PHLDB2: variants seen among roughly 807,000 people sequenced by gnomAD.
The protein encoded by PHLDB2 is pleckstrin homology like domain family B member 2, also known as pleckstrin homology-like domain family B member 2.
A neutral mutation model predicts 123.6 loss-of-function variants in PHLDB2; 71 were observed. The observed-to-expected ratio is 0.57, with a 90% confidence interval of 0.47 to 0.70. The LOEUF (loss-of-function observed/expected upper bound fraction) is 0.70. Among genes scored for constraint, PHLDB2 ranks in the 30% least tolerant of loss-of-function variants. The probability of loss-of-function intolerance (pLI) is 0.00; values close to 1 mark genes in which losing one functional copy is unlikely to be tolerated. For synonymous variants in PHLDB2, 547 were observed against 541.6 expected (o/e 1.01, Z -0.14); for missense variants, 1,446 against 1,519.5 (o/e 0.95, Z 0.80).
chr3:111,907,753 A>G (rs1470476794), intron 2 of PHLDB2, among the ~76,000 whole-genome samples: 1 of 151,904 alleles, frequency 6.6e-6, no homozygotes, highest in Non-Finnish European at 1.5e-5. Flanking sequence ...CAACCTTCCA[A>G]AGTTTGGGGA....
At chr3:111,891,364 T>A (rs1021821643) in intron 2 of PHLDB2, among the ~76,000 whole-genome samples, 1 of 152,070 alleles carries the variant, frequency 6.6e-6, no homozygotes, top group Non-Finnish European at 1.5e-5. Flanking sequence ...AGATCAGTGG[T>A]GGCATTGGAT....
rs146540806 is a variant in PHLDB2, at chr3:111,900,572, G to A, written c.1336-12747G>A. On this transcript the variant is annotated intron_variant, in intron 2 of 17. Coordinates refer to ENST00000431670, the MANE Select transcript of PHLDB2 (RefSeq NM_001134438.2). The stretch of plus-strand genomic sequence containing the variant: ...ATTAATTAAGTTTGCTGTCTTATAT[G>A]GGCATGGTTTGTGGTGTCCAAAACT... Among the ~76,000 whole-genome samples, 424 of 152,242 alleles carry A rather than the reference G, an allele frequency of 2.8e-3. 3 individuals are homozygous for A. The highest frequency in any genetic ancestry group is 0.01 in the African/African-American group (418 of 41,538).
Position 111,868,418 on chromosome 3 carries a change from G to A in PHLDB2, c.-15+8842G>A, listed in dbSNP as rs189636224. Among the ~76,000 whole-genome samples, 641 of 152,034 alleles carry A rather than the reference G, an allele frequency of 4.2e-3. 4 individuals are homozygous for A. The highest frequency in any genetic ancestry group is 6.8e-3 in the Non-Finnish European group (462 of 67,988). ...GTATGCGCCCTCAGTCTCTTTAATCGAGAATACTTCTCTCTTCCTCTTGTT... is the reference window on the plus strand; with the variant it reads ...GTATGCGCCCTCAGTCTCTTTAATCAAGAATACTTCTCTCTTCCTCTTGTT... On this transcript the variant is annotated intron_variant, in intron 1 of 17. Coordinates refer to ENST00000431670, the MANE Select transcript of PHLDB2 (RefSeq NM_001134438.2).
At chr3:111,878,165 T>C (rs771352684) in intron 1 of PHLDB2, among the ~76,000 whole-genome samples, 1 of 152,246 alleles carries the variant, frequency 6.6e-6, no homozygotes, top group Non-Finnish European at 1.5e-5. Context: ...TTCACAATAT[T>C]GATTATTCCT....
At chr3:111,809,300 G>C (rs1035897942) in intron 1 of PHLDB2, among the ~76,000 whole-genome samples, 2 of 152,082 alleles carry the variant, frequency 1.3e-5, no homozygotes, top group Admixed American at 6.5e-5. Flanking sequence ...TTGATGGAGA[G>C]TTTGTTTAAA....
intron 1 of PHLDB2, among the ~76,000 whole-genome samples, chr3:111,806,486 T>C (rs2061594938): frequency 1.3e-5 from 2 of 151,744 alleles, no homozygotes; most frequent in Non-Finnish European, 2.9e-5. Flanking sequence ...TTTTCTTCTT[T>C]TTTTTTTCTT....
At chr3:111,831,732 G>A (rs1304224413) in intron 1 of PHLDB2, among the ~76,000 whole-genome samples, 2 of 152,080 alleles carry the variant, frequency 1.3e-5, no homozygotes, top group Non-Finnish European at 2.9e-5. Flanking sequence ...TTATAGGTAT[G>A]GGTGATATAG....
exon 1 of PHLDB2, chr3:111,732,656 C>A: frequency 1.3e-6 from 2 of 1,535,822 alleles, no homozygotes; most frequent in South Asian, 2.4e-5. Flanking sequence ...CCTGCTGAGT[C>A]AGGAAAGAAG....
At chr3:111,821,290 T>C (rs2062365694) in intron 1 of PHLDB2, among the ~76,000 whole-genome samples, 1 of 152,220 alleles carries the variant, frequency 6.6e-6, no homozygotes, top group Non-Finnish European at 1.5e-5. Context: ...AAATCCATGC[T>C]GTGGAGAATA....
chr3:111,837,293 A>C (rs564402421), intron 1 of PHLDB2, among the ~76,000 whole-genome samples: 1 of 152,208 alleles, frequency 6.6e-6, no homozygotes, highest in Non-Finnish European at 1.5e-5. Context: ...GGAAGTTCTT[A>C]CGCAACCTTG....
chr3:111,904,013 A>T (rs1230679662), intron 2 of PHLDB2, among the ~76,000 whole-genome samples: 3 of 152,184 alleles, frequency 2.0e-5, no homozygotes, highest in Non-Finnish European at 4.4e-5. Context: ...ACAGTGGCCC[A>T]CACCTGTAAT....
At chr3:111,920,009 T>C (rs2068404851) in intron 4 of PHLDB2, among the ~76,000 whole-genome samples, 1 of 152,176 alleles carries the variant, frequency 6.6e-6, no homozygotes, top group Non-Finnish European at 1.5e-5. Flanking sequence ...ATAGGCAAAA[T>C]ATCCTTGAGA....
At chr3:111,858,554 A>C (rs2064626005), upstream of PHLDB2, among the ~76,000 whole-genome samples, 1 of 152,200 alleles carries the variant, frequency 6.6e-6, no homozygotes, top group Non-Finnish European at 1.5e-5. Context: ...GAAAAGTGTA[A>C]TCATTAAATA....
chr3:111,739,601 A>C (rs568365043), intron 1 of PHLDB2, among the ~76,000 whole-genome samples: 8 of 144,486 alleles, frequency 5.5e-5, no homozygotes, highest in African/African-American at 2.2e-4. Context: ...AACAAACAAA[A>C]AAAAAAAACA....
intron 1 of PHLDB2, among the ~76,000 whole-genome samples, chr3:111,746,242 G>A (rs2059680597): frequency 6.6e-6 from 1 of 152,088 alleles, no homozygotes; most frequent in African/African-American, 2.4e-5. Context: ...CTTCTGTTGA[G>A]ACACTTCCTA....
At chr3:111,780,595 T>C (rs937253384) in intron 1 of PHLDB2, among the ~76,000 whole-genome samples, 2 of 151,958 alleles carry the variant, frequency 1.3e-5, no homozygotes, top group East Asian at 3.9e-4. Context: ...TATTCCATTA[T>C]AGCGACAGAA....
intron 1 of PHLDB2, among the ~76,000 whole-genome samples, chr3:111,800,500 TAA>T (rs2061337265): frequency 6.6e-6 from 1 of 152,256 alleles, no homozygotes; most frequent in South Asian, 2.1e-4. Context: ...TCTTTTAAGT[TAA>T]GTTTACTTGG....
intron 1 of PHLDB2, among the ~76,000 whole-genome samples, chr3:111,819,176 T>C (rs2062245870): frequency 6.6e-6 from 1 of 152,070 alleles, no homozygotes; most frequent in Admixed American, 6.6e-5. Flanking sequence ...AGGTCTACCA[T>C]TGTGGCTTCA....
At chr3:111,866,319 C>T (rs1300382930) in intron 1 of PHLDB2, among the ~76,000 whole-genome samples, 1 of 152,022 alleles carries the variant, frequency 6.6e-6, no homozygotes, top group Non-Finnish European at 1.5e-5. Context: ...AGCCCGGCCT[C>T]ATGTACTCAA....
Sources: gnomAD v4.1 joint callset for allele counts (sites outside exome capture counted in the v4.1 genomes callset) on GRCh38, gnomAD v4.1.1 for gene constraint, MANE v1.5 for transcripts, NCBI Gene and HGNC (gene_info 2026-07-23, HGNC 2026-07-21) for gene names.